MPC1: variants seen among roughly 807,000 people sequenced by gnomAD.
MPC1 encodes mitochondrial pyruvate carrier 1, also known as HSPC040 protein.
In MPC1, 6 loss-of-function variants were observed where a neutral mutation model predicts 13.9. The observed-to-expected ratio is 0.43, with a 90% confidence interval of 0.24 to 0.85. The LOEUF (loss-of-function observed/expected upper bound fraction) is 0.85. MPC1 is among the 40% of genes least tolerant of loss of function. The probability of loss-of-function intolerance (pLI) is 0.24; values close to 1 mark genes in which losing one functional copy is unlikely to be tolerated. For missense variants in MPC1, 115 were observed against 143.3 expected, an observed-to-expected ratio of 0.80 and a Z score of 1.01; for synonymous variants, 47 against 50.5, an observed-to-expected ratio of 0.93 and a Z score of 0.29.
At position 166,365,988 on chromosome 6, in the gene MPC1, C is replaced by T. The variant is rs1445010111; in HGVS notation, c.291G>A (p.Arg97=). 1.2e-6 allele frequency: 2 copies of T among 1,613,094 alleles called. No individual in the cohort carries two copies. Among genetic ancestry groups the T allele is most frequent in the Admixed American group, 1.7e-5 (1 of 59,888 alleles). Residue 97 remains arginine, a synonymous_variant, in exon 4 of 5, where the codon CGG becomes CGA. Coordinates refer to ENST00000360961, the MANE Select transcript of MPC1 (RefSeq NM_016098.4). The surrounding 1 kb of genome is among the most constrained non-coding windows in gnomAD (Gnocchi z 4.2). ...NEVAQLIQGG[R]LIKHEMTKTA... Reference sequence around the variant, plus strand: ...AATCTGCTTACTCGTGTTTGATAAGCCGCCCTCCCTGGATGAGCTGGGCTA... The same window carrying T: ...AATCTGCTTACTCGTGTTTGATAAGTCGCCCTCCCTGGATGAGCTGGGCTA...
chr6:166,369,304 A>T (rs1170963499), intron 2 of MPC1, among the ~76,000 whole-genome samples: 2 of 152,214 alleles, frequency 1.3e-5, no homozygotes, highest in Non-Finnish European at 2.9e-5. Context: ...AGGGAGGTTG[A>T]GGCAGGAGAA....
At chr6:166,367,086 C>T (rs1779187193) in intron 2 of MPC1, 195 bp from the exon 3 acceptor site, 3 of 1,440,434 alleles carry the variant, frequency 2.1e-6, no homozygotes, top group Non-Finnish European at 2.8e-6. Context: ...CTGTAGGAAT[C>T]AGCAGTTCTT....
chr6:166,374,397 A>G (rs1779497892), intron 1 of MPC1, among the ~76,000 whole-genome samples: 2 of 152,224 alleles, frequency 1.3e-5, no homozygotes, highest in South Asian at 4.1e-4. Flanking sequence ...TTCTCTTGAC[A>G]GCATCCTTCA....
At chr6:166,381,882 G>A (rs1234683708) in intron 1 of MPC1, 2 of 917,314 alleles carry the variant, frequency 2.2e-6, no homozygotes, top group Non-Finnish European at 2.6e-6. Flanking sequence ...TGAGAAAACC[G>A]AAAGGCGAAC....
At chr6:166,369,607 T>C (rs1779300526) in intron 2 of MPC1, 1 of 162,674 alleles carries the variant, frequency 6.1e-6, no homozygotes, top group South Asian at 1.6e-4. Context: ...AGAAAGTTTA[T>C]AATGCATCTT....
chr6:166,380,870 C>A (rs1338975503), intron 1 of MPC1, among the ~76,000 whole-genome samples: 2 of 132,608 alleles, frequency 1.5e-5, no homozygotes, highest in Non-Finnish European at 3.1e-5. Flanking sequence ...ACCCAGGAGG[C>A]GGAGGTTTGG....
intron 2 of MPC1, 55 bp from the exon 3 acceptor site, chr6:166,366,946 T>C: frequency 1.2e-6 from 2 of 1,612,114 alleles, no homozygotes; most frequent in Non-Finnish European, 1.7e-6. Context: ...GACAGAACTA[T>C]AAACAGCTGA....
intron 1 of MPC1, among the ~76,000 whole-genome samples, chr6:166,378,132 GA>G (rs1259560607): frequency 2.0e-5 from 3 of 152,162 alleles, no homozygotes; most frequent in African/African-American, 7.2e-5. Flanking sequence ...TGAAGCACTG[GA>G]ATTTCTAAGG....
At chr6:166,376,016 T>A (rs888818321) in intron 1 of MPC1, among the ~76,000 whole-genome samples, 30 of 152,352 alleles carry the variant, frequency 2.0e-4, no homozygotes, top group African/African-American at 7.0e-4. Context: ...CTATTTTTTC[T>A]TGCAATTCTA....
intron 2 of MPC1, 95 bp from the exon 3 acceptor site, chr6:166,366,986 A>C: frequency 6.3e-7 from 1 of 1,587,364 alleles, no homozygotes; most frequent in Non-Finnish European, 8.6e-7. Context: ...AATCACGTGA[A>C]ACTCGTGAGA....
intron 2 of MPC1, chr6:166,368,920 A>G (rs1779272069): frequency 1.0e-6 from 1 of 985,256 alleles, no homozygotes; most frequent in African/African-American, 1.7e-5. Flanking sequence ...CTACTTTATC[A>G]TGCATGAACC....
At chr6:166,371,314 G>A (rs1159085155) in intron 1 of MPC1, among the ~76,000 whole-genome samples, 2 of 152,116 alleles carry the variant, frequency 1.3e-5, no homozygotes, top group Non-Finnish European at 1.5e-5. Context: ...TTGAATGAAT[G>A]AATGAATAGT....
rs1232113850 is a variant in MPC1, at chr6:166,364,928, T to A, written c.*501A>T. The A allele has an allele frequency of 6.6e-6, 1 of 152,642 alleles. No homozygotes were observed. Among genetic ancestry groups the A allele is most frequent in the African/African-American group, 2.4e-5 (1 of 41,482 alleles). 9.5% of individuals were successfully genotyped at this position (152,642 alleles called of 1,614,324 possible). A position where few individuals can be genotyped will look rare whatever the true frequency, so the allele number is the denominator to read the frequency against. On this transcript the variant is annotated 3_prime_UTR_variant, in exon 5 of 5. Coordinates refer to ENST00000360961, the MANE Select transcript of MPC1 (RefSeq NM_016098.4). Reference sequence around the variant, plus strand: ...TATTTAATCATACTCATTTAACAAATATTTAAATCATTTATTGCCATTAAG... The same window carrying A: ...TATTTAATCATACTCATTTAACAAAAATTTAAATCATTTATTGCCATTAAG...
chr6:166,370,018 G>A (rs1779315482), intron 2 of MPC1, 200 bp downstream of exon 2: 4 of 706,470 alleles, frequency 5.7e-6, no homozygotes, highest in Admixed American at 2.0e-5. Context: ...GTAGGGAGCA[G>A]CCCCAGGAGC....
intron 2 of MPC1, 124 bp from the exon 3 acceptor site, chr6:166,367,015 C>T (rs1779184431): frequency 1.9e-6 from 3 of 1,545,738 alleles, no homozygotes; most frequent in Non-Finnish European, 2.6e-6. Flanking sequence ...TCGTTTCCAT[C>T]TTGCAGGTTT....
chr6:166,381,077 C>T (rs1231699504), intron 1 of MPC1, among the ~76,000 whole-genome samples: 1 of 151,778 alleles, frequency 6.6e-6, no homozygotes, highest in Non-Finnish European at 1.5e-5. Flanking sequence ...ATTAGGAAGG[C>T]TCAGTATCCA....
Position 166,366,120 on chromosome 6 carries a change from C to T in MPC1, c.173-14G>A. The T allele has an allele frequency of 6.2e-7, 1 of 1,612,070 alleles. No homozygotes were observed. The highest frequency in any genetic ancestry group is 8.5e-7 in the Non-Finnish European group (1 of 1,178,802). Reference sequence around the variant, plus strand: ...AGCAACAGAGGGCTGCCAAAAATAGCAGAGCAAAGACAATCAATAACTTAG... The same window carrying T: ...AGCAACAGAGGGCTGCCAAAAATAGTAGAGCAAAGACAATCAATAACTTAG... On this transcript the variant is annotated splice_polypyrimidine_tract_variant and intron_variant, in intron 3 of 4. Coordinates refer to ENST00000360961, the MANE Select transcript of MPC1 (RefSeq NM_016098.4).
chr6:166,365,510 A>G lies in MPC1; in HGVS notation c.306-57T>C, dbSNP rs1346896455. 3 of 1,454,708 alleles carry G rather than the reference A, an allele frequency of 2.1e-6. No individual in the cohort carries two copies. Among genetic ancestry groups the G allele is most frequent in the Non-Finnish European group, 2.8e-6 (3 of 1,074,492 alleles). The allele number at this position is 1,454,708 out of a possible 1,614,324, so 90.1% of individuals were successfully genotyped here. Reference sequence around the variant, plus strand: ...GAAACAAAATTTCAATGCCAATCGCAAGGGCTTTGGATGGCTTTTAAAAGA... The same window carrying G: ...GAAACAAAATTTCAATGCCAATCGCGAGGGCTTTGGATGGCTTTTAAAAGA... On this transcript the variant is annotated intron_variant, in intron 4 of 4. Transcript: ENST00000360961. This position sits in a 1 kb window ranked among gnomAD's most constrained non-coding sequence, Gnocchi z 4.2.
Position 166,365,482 on chromosome 6 carries a change from T to A in MPC1, c.306-29A>T, listed in dbSNP as rs1407071936. The A allele has an allele frequency of 6.4e-7, 1 of 1,559,512 alleles. No individual in the cohort carries two copies. The stretch of plus-strand genomic sequence containing the variant: ...GAAAGAAACAAAAAGAAAAATTCAA[T>A]GAGAAACAAAATTTCAATGCCAATC... On this transcript the variant is annotated intron_variant, in intron 4 of 4. Coordinates refer to ENST00000360961, the MANE Select transcript of MPC1 (RefSeq NM_016098.4). This position sits in a 1 kb window ranked among gnomAD's most constrained non-coding sequence, Gnocchi z 4.2.
Sources: gnomAD v4.1 joint callset for allele counts (sites outside exome capture counted in the v4.1 genomes callset) on GRCh38, gnomAD v4.1.1 for gene constraint, Gnocchi (gnomAD v3.1) non-coding constraint, MANE v1.5 for transcripts, NCBI Gene and HGNC (gene_info 2026-07-23, HGNC 2026-07-21) for gene names.